Variants in HIPK1 observed in about 807,000 individuals in gnomAD.
HIPK1 encodes the protein homeodomain-interacting protein kinase 1.
HIPK1 carries 28 observed loss-of-function variants against 117.1 expected under a neutral mutation model. That is an observed-to-expected ratio of 0.24 (90% CI 0.18 to 0.33). The LOEUF (loss-of-function observed/expected upper bound fraction) is 0.33, where lower values mean the gene tolerates loss of function less well. HIPK1 is among the 10% of genes least tolerant of loss of function. The probability of loss-of-function intolerance (pLI) is 1.00; values close to 1 mark genes in which losing one functional copy is unlikely to be tolerated. For synonymous variants in HIPK1, 605 were observed against 562.5 expected, an observed-to-expected ratio of 1.08 and a Z score of -1.07; for missense variants, 1,122 against 1,475.1, an observed-to-expected ratio of 0.76 and a Z score of 3.92.
At chr1:113,957,893 T>C (rs934540384) in intron 7 of HIPK1, among the ~76,000 whole-genome samples, 173 bp from the exon 8 acceptor site, 2 of 152,212 alleles carry the variant, frequency 1.3e-5, no homozygotes, top group Middle Eastern at 3.4e-3. Flanking sequence ...CCATATAATA[T>C]GCCTTCAATT....
chr1:113,937,436 C>T (rs1231277932), intron 1 of HIPK1, among the ~76,000 whole-genome samples: 1 of 151,140 alleles, frequency 6.6e-6, no homozygotes. Flanking sequence ...GACTCAAGGA[C>T]CACACAGATA....
intron 1 of HIPK1, among the ~76,000 whole-genome samples, chr1:113,936,740 A>T (rs1027930626): frequency 3.3e-5 from 5 of 152,192 alleles, no homozygotes; most frequent in East Asian, 1.9e-4. Flanking sequence ...ATACATTTTT[A>T]AAAATTTGGT....
At chr1:113,946,608 G>A (rs757107051) in intron 2 of HIPK1, among the ~76,000 whole-genome samples, 4 of 152,128 alleles carry the variant, frequency 2.6e-5, no homozygotes, top group Admixed American at 6.5e-5. Context: ...GCTGTCAATT[G>A]ATTCATTTTG....
At position 113,977,116 on chromosome 1, in the gene HIPK1, ATG is replaced by A. The variant is rs932008784; in HGVS notation, c.*3610_*3611del. ...TGCCCTTAGCCAGGCAAGCACAGTA[ATG>A]TGTGTTTTGTTCAGCATTATTATGC... On this transcript the variant is annotated 3_prime_UTR_variant, in exon 16 of 16. Transcript: ENST00000426820. The A allele has an allele frequency of 1.3e-5, 2 of 152,706 alleles. No individual in the cohort carries two copies. The highest frequency in any genetic ancestry group is 2.9e-5 in the Non-Finnish European group (2 of 68,038). 9.5% of individuals were successfully genotyped at this position (152,706 alleles called of 1,614,324 possible). A position where few individuals can be genotyped will look rare whatever the true frequency, so the allele number is the denominator to read the frequency against.
chr1:113,944,926 C>T (rs1031015599), intron 2 of HIPK1, among the ~76,000 whole-genome samples: 2 of 152,138 alleles, frequency 1.3e-5, no homozygotes, highest in African/African-American at 4.8e-5. Flanking sequence ...TGGCTTACTG[C>T]AGCCATGACC....
chr1:113,936,124 C>G (rs1292436099), intron 1 of HIPK1, among the ~76,000 whole-genome samples: 1 of 152,152 alleles, frequency 6.6e-6, no homozygotes, highest in African/African-American at 2.4e-5. Context: ...ATTTTCTTCT[C>G]ACCTTGTGTT....
At position 113,973,288 on chromosome 1, in the gene HIPK1, G is replaced by T. The variant is rs772930419; in HGVS notation, c.3409G>T (p.Gly1137Cys). 6.2e-7 allele frequency: 1 copy of T among 1,614,070 alleles called. No individual in the cohort carries two copies. The highest frequency in any genetic ancestry group is 1.1e-5 in the South Asian group (1 of 91,082). Reference sequence around the variant, plus strand: ...CATTGCTCATCTTTTCTCCCCACAGGGTTCCTCAAGGCATGCTGCAGCCTA... The same window carrying T: ...CATTGCTCATCTTTTCTCCCCACAGTGTTCCTCAAGGCATGCTGCAGCCTA... ...SSIAHLFSPQ[G>C]SSRHAAAYTT... Residue 1137 changes from glycine to cysteine, a missense_variant, in exon 16 of 16, where the codon GGT becomes TGT. Physicochemically the swap from Gly to Cys is radical, Grantham distance 159 (BLOSUM62 -3). This residue lies in a region of HIPK1 where 731 missense variants were observed against 860.4 expected (regional missense o/e 0.85). Coordinates refer to ENST00000426820, the MANE Select transcript of HIPK1 (RefSeq NM_198268.3).
At position 113,957,045 on chromosome 1, in the gene HIPK1, G is replaced by C; in HGVS notation, c.1593-79G>C. 1.4e-5 allele frequency: 17 copies of C among 1,214,738 alleles called. No homozygotes were observed. The South Asian group carries it at 2.3e-4, about 16-fold the overall frequency. 75.2% of individuals were successfully genotyped at this position (1,214,738 alleles called of 1,614,324 possible). A position where few individuals can be genotyped will look rare whatever the true frequency, so the allele number is the denominator to read the frequency against. ...GAAAGTGATTGGGAAAAAAAGCTTT[G>C]ATCCATGTTCATCTTGAGTTATTTG... On this transcript the variant is annotated intron_variant, in intron 6 of 15. Coordinates refer to ENST00000426820, the MANE Select transcript of HIPK1 (RefSeq NM_198268.3).
At chr1:113,948,729 C>G (rs1571680907) in intron 2 of HIPK1, among the ~76,000 whole-genome samples, 2 of 151,728 alleles carry the variant, frequency 1.3e-5, no homozygotes, top group South Asian at 2.1e-4. Context: ...TTCAGCTAAT[C>G]TTCAGTTTTT....
chr1:113,944,165 T>TTTG (rs1670832612), intron 2 of HIPK1, among the ~76,000 whole-genome samples: 1 of 123,492 alleles, frequency 8.1e-6, no homozygotes, highest in Non-Finnish European at 1.7e-5. Flanking sequence ...ATGGGTTTTT[T>TTTG]TTTTTTTTTT....
chr1:113,946,605 A>G lies in HIPK1; in HGVS notation c.1076+5146A>G, dbSNP rs142848247. ...TTTATCCTTTTAATTTAAGCTGTCA[A>G]TTGATTCATTTTGGTTTTGTTTTTT... On this transcript the variant is annotated intron_variant, in intron 2 of 15. Transcript: ENST00000426820. Among the ~76,000 whole-genome samples, 790 of 152,268 alleles carry G rather than the reference A, an allele frequency of 5.2e-3. 10 individuals carry two copies. Among genetic ancestry groups the G allele is most frequent in the African/African-American group, 0.018 (751 of 41,542 alleles).
rs1287663068 is a variant in HIPK1, at chr1:113,958,154, C to T, written c.1844C>T (p.Ala615Val). The T allele has an allele frequency of 6.2e-7, 1 of 1,614,034 alleles. No homozygotes were observed. ...GTCTCACTACTAAACTACCAGTCAG[C>T]TTTGTACCCATCATCTGCTGCACCA... ...SDVSLLNYQS[A>V]LYPSSAAPVP... Residue 615 changes from alanine to valine, a missense_variant, in exon 8 of 16, where the codon GCT (alanine) becomes GTT (valine). Around this residue, in one of 6 missense-constraint regions of HIPK1, gnomAD observed 731 missense variants for 860.4 expected, o/e 0.85. Transcript: ENST00000426820.
chr1:113,957,974 T>G, intron 7 of HIPK1, 92 bp from the exon 8 acceptor site: 1 of 940,678 alleles, frequency 1.1e-6, no homozygotes, highest in Non-Finnish European at 1.6e-6. Flanking sequence ...TAAAACATTA[T>G]TCTACGTTTT....
rs186203410 is a variant in HIPK1 at position 113,945,446 on chromosome 1, G to C, written c.1076+3987G>C. 1.8e-3 allele frequency among the ~76,000 whole-genome samples: 278 copies of C among 152,236 alleles called. 1 individual carries two copies. The highest frequency in any genetic ancestry group is 6.5e-3 in the African/African-American group (271 of 41,546). ...ATACAGATTTTCCCCTATGTTTTCT[G>C]CTAAGAGTTTTATAGTTTTAGCTCT... On this transcript the variant is annotated intron_variant, in intron 2 of 15. Transcript: ENST00000426820.
chr1:113,929,710 G>A, intron 1 of HIPK1, 178 bp downstream of exon 1: 2 of 818,912 alleles, frequency 2.4e-6, no homozygotes, highest in South Asian at 2.7e-5. Context: ...GCGCGGGGCT[G>A]AGGCGGCGGC....
rs750369202 is a variant in HIPK1, at chr1:113,955,550, C to A, written c.1321-13C>A. 3 of 1,457,178 alleles carry A rather than the reference C, an allele frequency of 2.1e-6. No individual in the cohort carries two copies. Among genetic ancestry groups the A allele is most frequent in the Admixed American group, 1.9e-5 (1 of 52,462 alleles). The allele number at this position is 1,457,178 out of a possible 1,614,324, so 90.3% of individuals were successfully genotyped here. ...ACAGATGGAATTTAAGGAGGAAAAT[C>A]TTTATTTTATAGACACCTGAAGAAC... On this transcript the variant is annotated splice_polypyrimidine_tract_variant and intron_variant, in intron 4 of 15. Coordinates refer to ENST00000426820, the MANE Select transcript of HIPK1 (RefSeq NM_198268.3).
At chr1:113,950,481 C>A (rs1287483271) in intron 2 of HIPK1, among the ~76,000 whole-genome samples, 1 of 152,108 alleles carries the variant, frequency 6.6e-6, no homozygotes, top group Admixed American at 6.6e-5. Flanking sequence ...GAGCTGAAAT[C>A]TTGGATCCAA....
chr1:113,968,415 A>T, intron 12 of HIPK1, 27 bp from the exon 13 acceptor site: 2 of 1,544,944 alleles, frequency 1.3e-6, no homozygotes, highest in Non-Finnish European at 1.8e-6. Flanking sequence ...GGACTGAATC[A>T]TCTTTCCATG....
chr1:113,947,789 A>C (rs1671084329), intron 2 of HIPK1, among the ~76,000 whole-genome samples: 1 of 152,214 alleles, frequency 6.6e-6, no homozygotes, highest in South Asian at 2.1e-4. Flanking sequence ...TGTGTCTTCA[A>C]AGAGGAGACT....
Sources: gnomAD v4.1 joint callset for allele counts (sites outside exome capture counted in the v4.1 genomes callset) on GRCh38, gnomAD v4.1.1 for gene constraint, gnomAD v4.1.1 regional missense constraint, MANE v1.5 for transcripts, NCBI Gene and HGNC (gene_info 2026-07-23, HGNC 2026-07-21) for gene names.